The following ASTN2 variants were observed in gnomAD, a reference collection of about 807,000 sequenced individuals.
The protein encoded by ASTN2 is astrotactin-2.
A neutral mutation model predicts 139.8 loss-of-function variants in ASTN2; 54 were observed. That is an observed-to-expected ratio of 0.39 (90% CI 0.31 to 0.48). ASTN2 has a LOEUF of 0.48. Ranked by LOEUF, ASTN2 falls within the 20% of genes least tolerant of loss-of-function variation. The probability of loss-of-function intolerance (pLI) is 0.95; values close to 1 mark genes in which losing one functional copy is unlikely to be tolerated. For missense variants in ASTN2, 1,565 were observed against 1,725.1 expected (o/e 0.91, Z 1.64); for synonymous variants, 756 against 719.5 (o/e 1.05, Z -0.81).
chr9:117,060,405 A>G (rs372424362), intron 5 of ASTN2, among the ~76,000 whole-genome samples: 8,511 of 60,168 alleles, frequency 0.14, 591 homozygotes, highest in Middle Eastern at 0.17. Context: ...AAAGAAAGAA[A>G]GAAAGAAGGA....
intron 2 of ASTN2, among the ~76,000 whole-genome samples, chr9:117,283,619 C>T (rs958405591): frequency 6.6e-6 from 1 of 152,178 alleles, no homozygotes; most frequent in Non-Finnish European, 1.5e-5. Flanking sequence ...GGTGGCACAG[C>T]AGAGACACAT....
At chr9:117,111,436 T>TA (rs56901733) in intron 4 of ASTN2, among the ~76,000 whole-genome samples, 24,375 of 149,376 alleles carry the variant, frequency 0.16, 2,265 homozygotes, top group Non-Finnish European at 0.21. Flanking sequence ...ATGTATAAAA[T>TA]AAAAAAAAAA....
At chr9:116,994,282 A>T (rs1588466024) in intron 7 of ASTN2, among the ~76,000 whole-genome samples, 1 of 152,298 alleles carries the variant, frequency 6.6e-6, no homozygotes, top group East Asian at 1.9e-4. Flanking sequence ...GTGTTTAAAT[A>T]AAAACTAATT....
At chr9:117,264,614 G>A (rs578059686) in intron 2 of ASTN2, among the ~76,000 whole-genome samples, 10 of 152,144 alleles carry the variant, frequency 6.6e-5, no homozygotes, top group South Asian at 2.1e-4. Flanking sequence ...GAAAAGTTAG[G>A]GTGAGAGAGG....
At chr9:116,555,609 G>T (rs890550640) in intron 19 of ASTN2, among the ~76,000 whole-genome samples, 37 of 152,148 alleles carry the variant, frequency 2.4e-4, no homozygotes, top group Non-Finnish European at 1.2e-4. Context: ...AAAGCTATTG[G>T]ATAGTGCTCT....
At chr9:116,887,130 C>T (rs908618167) in intron 10 of ASTN2, among the ~76,000 whole-genome samples, 24 of 152,160 alleles carry the variant, frequency 1.6e-4, no homozygotes, top group African/African-American at 5.3e-4. Flanking sequence ...GGACATTATG[C>T]CTATTTCATA....
chr9:116,786,286 C>T (rs1346032019), intron 13 of ASTN2, among the ~76,000 whole-genome samples: 1 of 152,214 alleles, frequency 6.6e-6, no homozygotes, highest in Admixed American at 6.5e-5. Context: ...ACTCAACCTG[C>T]TTTTCTCCAC....
intron 1 of ASTN2, among the ~76,000 whole-genome samples, chr9:117,362,370 G>A (rs200132410): frequency 2.0e-5 from 3 of 151,926 alleles, no homozygotes; most frequent in Non-Finnish European, 4.4e-5. Context: ...GTTGCCCCCG[G>A]AAAAAATCAA....
chr9:117,284,187 TC>T (rs1161451693), intron 2 of ASTN2, among the ~76,000 whole-genome samples: 1 of 152,140 alleles, frequency 6.6e-6, no homozygotes, highest in African/African-American at 2.4e-5. Flanking sequence ...CACTGCAACC[TC>T]CGTCTCCCAG....
At chr9:117,025,001 G>C (rs1838017370) in intron 6 of ASTN2, among the ~76,000 whole-genome samples, 1 of 152,052 alleles carries the variant, frequency 6.6e-6, no homozygotes, top group Non-Finnish European at 1.5e-5. Context: ...GCTCCTCCTT[G>C]CCTTCTGCCA....
At chr9:117,277,694 T>C (rs1315630684) in intron 2 of ASTN2, among the ~76,000 whole-genome samples, 1 of 152,178 alleles carries the variant, frequency 6.6e-6, no homozygotes, top group African/African-American at 2.4e-5. Context: ...GCAAGGACTT[T>C]AGAATCATGA....
chr9:117,290,424 A>G (rs1339063259), intron 2 of ASTN2, among the ~76,000 whole-genome samples: 1 of 152,188 alleles, frequency 6.6e-6, no homozygotes, highest in Non-Finnish European at 1.5e-5. Flanking sequence ...CTTTTAGACT[A>G]CCACTCAAGT....
intron 22 of ASTN2, among the ~76,000 whole-genome samples, chr9:116,434,817 C>A (rs1847599525): frequency 6.6e-6 from 1 of 152,058 alleles, no homozygotes; most frequent in South Asian, 2.1e-4. Flanking sequence ...TTGCAGTAAC[C>A]TGTGGTCGTA....
intron 2 of ASTN2, among the ~76,000 whole-genome samples, chr9:117,243,196 T>TGTTG (rs1811827082): frequency 6.6e-6 from 1 of 152,222 alleles, no homozygotes; most frequent in African/African-American, 2.4e-5. Context: ...TGAGGAGTGA[T>TGTTG]ACTATGTTGT....
At chr9:117,406,801 T>C (rs1034329301) in intron 1 of ASTN2, among the ~76,000 whole-genome samples, 1 of 152,004 alleles carries the variant, frequency 6.6e-6, no homozygotes, top group Non-Finnish European at 1.5e-5. Flanking sequence ...GAATTTTTCA[T>C]CTTCTCACAT....
At chr9:117,192,065 G>C (rs768090746) in intron 3 of ASTN2, among the ~76,000 whole-genome samples, 4 of 151,046 alleles carry the variant, frequency 2.6e-5, no homozygotes, top group Non-Finnish European at 5.9e-5. Context: ...TGACATTCCT[G>C]TTTGTGATTC....
intron 16 of ASTN2, among the ~76,000 whole-genome samples, chr9:116,707,516 C>A (rs925823971): frequency 6.6e-6 from 1 of 151,896 alleles, no homozygotes; most frequent in African/African-American, 2.4e-5. Context: ...CCCTCCTCCC[C>A]AACCCCTCCC....
chr9:117,252,142 A>T (rs925927600), intron 2 of ASTN2, among the ~76,000 whole-genome samples: 2 of 152,226 alleles, frequency 1.3e-5, no homozygotes, highest in Non-Finnish European at 2.9e-5. Flanking sequence ...TGTCTTAATC[A>T]AATGGAGATC....
chr9:116,961,426 A>G (rs1416935087), intron 10 of ASTN2, among the ~76,000 whole-genome samples: 4 of 151,986 alleles, frequency 2.6e-5, no homozygotes, highest in Non-Finnish European at 4.4e-5. Context: ...TGTTTCTATG[A>G]TTTTGGCTAC....
Sources: allele counts gnomAD v4.1 joint callset (sites outside exome capture counted in the v4.1 genomes callset), GRCh38; gene constraint gnomAD v4.1.1; transcripts MANE v1.5; gene names NCBI Gene and HGNC (gene_info 2026-07-23, HGNC 2026-07-21).